MXI1: variants seen among roughly 807,000 people sequenced by gnomAD.
MXI1 encodes the protein MAX interactor 1, dimerization protein, also known as max-interacting protein 1.
MXI1 carries 18 observed loss-of-function variants against 36.9 expected under a neutral mutation model. The observed-to-expected ratio is 0.49, with a 90% CI of 0.34 to 0.72. MXI1 has a LOEUF of 0.72. MXI1 is among the 30% of genes least tolerant of loss of function. The pLI is 0.01. For synonymous variants in MXI1, 160 were observed against 146.7 expected, an observed-to-expected ratio of 1.09 and a Z score of -0.65; for missense variants, 304 against 379.1, an observed-to-expected ratio of 0.80 and a Z score of 1.64.
chr10:110,256,101 A>C (rs1284189839), intron 3 of MXI1, among the ~76,000 whole-genome samples: 1 of 152,210 alleles, frequency 6.6e-6, no homozygotes, highest in Non-Finnish European at 1.5e-5. Context: ...CTGGATACCT[A>C]CATACAAAAT....
At chr10:110,209,993 C>T (rs1461688461) in intron 1 of MXI1, among the ~76,000 whole-genome samples, 1 of 150,302 alleles carries the variant, frequency 6.7e-6, no homozygotes, top group East Asian at 2.0e-4. Context: ...CGTCCCGCCC[C>T]CCACTTCGCA....
intron 3 of MXI1, chr10:110,261,282 G>A: frequency 2.6e-6 from 1 of 387,480 alleles, no homozygotes; most frequent in Non-Finnish European, 3.5e-6. Flanking sequence ...TTTTTTGCTT[G>A]CAGAGTTGCT....
Position 110,271,969 on chromosome 10 carries a change from C to G in MXI1, c.438-7211C>G, listed in dbSNP as rs186653347. 9.8e-5 allele frequency among the ~76,000 whole-genome samples: 15 copies of G among 152,304 alleles called. No individual in the cohort carries two copies. The East Asian group carries it at 1.9e-3, about 20-fold the overall frequency. ...TTCCTCTCTCTTCCATATCTTCTCT[C>G]CCTTCTCCCCTGTCCCTTCTTTTTC... On this transcript the variant is annotated intron_variant, in intron 3 of 5. Transcript: ENST00000332674.
chr10:110,208,007 A>G lies in MXI1; in HGVS notation c.199A>G (p.Asn67Asp). ...CGAGAACTCGATGGAGAAGCACATC[A>G]ACACTTTTCTGCAGAACGTGCAGAT... is the stretch of plus-strand genomic sequence containing the variant. ...TSENSMEKHI[N>D]TFLQNVQILL... Residue 67 changes from asparagine (N) to aspartate (D), a missense_variant, in exon 1 of 6, where the codon AAC becomes GAC. Coordinates refer to ENST00000332674, the MANE Select transcript of MXI1 (RefSeq NM_130439.3). 1 of 1,604,878 alleles carries G rather than the reference A, an allele frequency of 6.2e-7. No individual in the cohort carries two copies. The highest frequency in any genetic ancestry group is 8.5e-7 in the Non-Finnish European group (1 of 1,175,830).
chr10:110,269,960 A>G (rs1590396799), intron 3 of MXI1, among the ~76,000 whole-genome samples: 1 of 152,226 alleles, frequency 6.6e-6, no homozygotes, highest in East Asian at 1.9e-4. Flanking sequence ...AAAACTGTTA[A>G]TAAGGCAAAA....
chr10:110,275,470 C>T (rs575466676), intron 3 of MXI1, among the ~76,000 whole-genome samples: 1 of 152,296 alleles, frequency 6.6e-6, no homozygotes, highest in South Asian at 2.1e-4. Flanking sequence ...CATACAATTG[C>T]TGTTCTAAGA....
chr10:110,284,683 T>C (rs767404764), intron 5 of MXI1, 141 bp from the exon 6 acceptor site: 1 of 797,984 alleles, frequency 1.3e-6, no homozygotes, highest in Non-Finnish European at 1.9e-6. Flanking sequence ...CTCTTCACCT[T>C]GTTCCTCTGT....
intron 2 of MXI1, among the ~76,000 whole-genome samples, chr10:110,231,873 T>C (rs1323904118): frequency 6.6e-6 from 1 of 152,252 alleles, no homozygotes; most frequent in Admixed American, 6.5e-5. Context: ...TCAGTCGGCC[T>C]TCTTTCCTGT....
At position 110,274,872 on chromosome 10, in the gene MXI1, ATTTTTTTTT is replaced by A. The variant is rs66570053; in HGVS notation, c.438-4294_438-4286del. On this transcript the variant is annotated intron_variant, in intron 3 of 5. Coordinates refer to ENST00000332674, the MANE Select transcript of MXI1 (RefSeq NM_130439.3). ...CAGTTTTTTTCCTCAGTGAATAAGGATTTTTTTTTTTTTTTTTTTTTTGGTGGAGTCTCA... is the reference window on the plus strand; with the variant it reads ...CAGTTTTTTTCCTCAGTGAATAAGGATTTTTTTTTTTTTGGTGGAGTCTCA... Among the ~76,000 whole-genome samples the A allele has an allele frequency of 1.5e-4, 16 of 109,978 alleles. No individual in the cohort carries two copies. The East Asian group carries it at 3.0e-3, about 21-fold the overall frequency. 72.1% of individuals were successfully genotyped at this position (109,978 alleles called of 152,430 possible).
At chr10:110,229,873 G>A (rs150015381) in intron 2 of MXI1, among the ~76,000 whole-genome samples, 200 of 151,946 alleles carry the variant, frequency 1.3e-3, no homozygotes, top group African/African-American at 4.7e-3. Flanking sequence ...TCAACTTGGA[G>A]ACATAGGAAG....
rs1857395767 is a variant in MXI1, at chr10:110,285,031, C to T, written c.*44C>T. On this transcript the variant is annotated 3_prime_UTR_variant, in exon 6 of 6. Transcript: ENST00000332674. The stretch of plus-strand genomic sequence containing the variant: ...AGTGCAGGGCAAAATATTCACTGGG[C>T]CAATTCAATACAAACAATCTCTTAA... The T allele has an allele frequency of 6.5e-7, 1 of 1,534,286 alleles. No individual in the cohort carries two copies. Among genetic ancestry groups the T allele is most frequent in the African/African-American group, 1.4e-5 (1 of 71,868 alleles).
At chr10:110,232,841 T>G (rs538861413) in intron 2 of MXI1, among the ~76,000 whole-genome samples, 77 of 152,334 alleles carry the variant, frequency 5.1e-4, no homozygotes, top group Non-Finnish European at 9.0e-4. Flanking sequence ...GCATGTAGTA[T>G]TTAAAGAATA....
In MXI1 at chr10:110,226,188, G is replaced by T. The variant is rs35741140; in HGVS notation, c.275-2001G>T. The stretch of plus-strand genomic sequence containing the variant: ...GCCCGAGAAGGGAGTGCGGAGAGGC[G>T]CCGGTCGCCACCCGCGGTGCCCATG... On this transcript the variant is annotated intron_variant, in intron 1 of 5. Transcript: ENST00000332674. The T allele has an allele frequency of 2.0e-6, 3 of 1,464,404 alleles. No individual in the cohort carries two copies. In the African/African-American group the frequency reaches 4.4e-5, roughly 21 times the overall value. 90.7% of individuals were successfully genotyped at this position (1,464,404 alleles called of 1,614,324 possible).
At chr10:110,247,826 C>T (rs1855928650) in intron 3 of MXI1, among the ~76,000 whole-genome samples, 1 of 152,018 alleles carries the variant, frequency 6.6e-6, no homozygotes, top group Non-Finnish European at 1.5e-5. Context: ...ACCATTTGAC[C>T]CAGCAATCGC....
chr10:110,234,460 G>A (rs956543301), intron 2 of MXI1, among the ~76,000 whole-genome samples: 1 of 151,990 alleles, frequency 6.6e-6, no homozygotes, highest in African/African-American at 2.4e-5. Flanking sequence ...ATAATTAACA[G>A]CATTACCCAT....
At chr10:110,240,682 A>T (rs530822738) in intron 2 of MXI1, among the ~76,000 whole-genome samples, 77 of 152,128 alleles carry the variant, frequency 5.1e-4, no homozygotes, top group South Asian at 2.5e-3. Flanking sequence ...ACTATAGCTA[A>T]AATTTTCTGG....
intron 1 of MXI1, 51 bp downstream of exon 1, chr10:110,208,133 G>C (rs1410120978): frequency 3.9e-6 from 6 of 1,543,452 alleles, no homozygotes; most frequent in Non-Finnish European, 5.2e-6. Context: ...TTTCTTTCTC[G>C]CCCACTTGGG....
chr10:110,226,350 G>A, intron 1 of MXI1: 2 of 1,415,144 alleles, frequency 1.4e-6, no homozygotes, highest in Admixed American at 5.0e-5. Context: ...CGGTGCGGCC[G>A]GTAAGGGAGG....
At chr10:110,272,698 A>C (rs1338110239) in intron 3 of MXI1, among the ~76,000 whole-genome samples, 1 of 151,244 alleles carries the variant, frequency 6.6e-6, no homozygotes, top group Admixed American at 6.6e-5. Context: ...ATATTATTAT[A>C]TTATATATTA....
Sources: allele counts gnomAD v4.1 joint callset (sites outside exome capture counted in the v4.1 genomes callset), GRCh38; gene constraint gnomAD v4.1.1; transcripts MANE v1.5; gene names NCBI Gene and HGNC (gene_info 2026-07-23, HGNC 2026-07-21).